PPFIA2: variants seen among roughly 807,000 people sequenced by gnomAD.
The protein encoded by PPFIA2 is liprin-alpha-2.
PPFIA2 carries 46 observed loss-of-function variants against 175.5 expected under a neutral mutation model. The ratio of observed to expected loss-of-function variants is 0.26; its 90% CI spans 0.21 to 0.34. The LOEUF (loss-of-function observed/expected upper bound fraction) is 0.34. Among genes scored for constraint, PPFIA2 ranks in the 10% least tolerant of loss-of-function variants. The pLI, the probability that PPFIA2 is intolerant of heterozygous loss-of-function variation, is 1.00. For missense variants in PPFIA2, 1,179 were observed against 1,506.1 expected (o/e 0.78, Z 3.60); for synonymous variants, 568 against 511.4 (o/e 1.11, Z -1.49).
chr12:81,647,490 G>C (rs1026527709), intron 4 of PPFIA2, among the ~76,000 whole-genome samples: 1 of 151,896 alleles, frequency 6.6e-6, no homozygotes, highest in African/African-American at 2.4e-5. Context: ...GGCTGGGTGC[G>C]GTGGCTCACG....
intron 19 of PPFIA2, among the ~76,000 whole-genome samples, chr12:81,343,694 C>T (rs536902517): frequency 7.2e-5 from 11 of 152,152 alleles, no homozygotes; most frequent in South Asian, 2.1e-4. Context: ...AAGCTCTACT[C>T]AATTATCTAA....
chr12:81,370,417 G>T (rs1318650501), intron 11 of PPFIA2, among the ~76,000 whole-genome samples: 1 of 151,750 alleles, frequency 6.6e-6, no homozygotes, highest in African/African-American at 2.4e-5. Context: ...TCAGATATTG[G>T]TCTAGAATTT....
Position 81,553,909 on chromosome 12 carries a change from G to T in PPFIA2, c.304-96043C>A, listed in dbSNP as rs1246192047. Among the ~76,000 whole-genome samples the T allele has an allele frequency of 5.3e-5, 8 of 152,164 alleles. No individual in the cohort carries two copies. The South Asian group carries it at 1.0e-3, about 20-fold the overall frequency. ...GGTGATGATGGAGTAGGTGGTAAGA[G>T]CTGGATAAGTGACTTGGAACCAGAT... On this transcript the variant is annotated intron_variant, in intron 4 of 32. Coordinates refer to ENST00000549396, the MANE Select transcript of PPFIA2 (RefSeq NM_003625.5).
At chr12:81,664,306 T>C (rs954302655) in intron 4 of PPFIA2, among the ~76,000 whole-genome samples, 1 of 151,996 alleles carries the variant, frequency 6.6e-6, no homozygotes, top group African/African-American at 2.4e-5. Context: ...AAAGGGCTAA[T>C]ATCCAGAATC....
chr12:81,307,923 C>T (rs1356294964), intron 22 of PPFIA2, among the ~76,000 whole-genome samples: 8 of 151,498 alleles, frequency 5.3e-5, no homozygotes, highest in Non-Finnish European at 8.8e-5. Context: ...ACATCACCAT[C>T]ATAACAACTT....
At chr12:81,260,787 C>T (rs2035198104) in intron 32 of PPFIA2, 2 of 152,246 alleles carry the variant, frequency 1.3e-5, no homozygotes, top group Non-Finnish European at 2.9e-5. Context: ...ACTGTTTTCT[C>T]TTAACCCTGT....
intron 32 of PPFIA2, chr12:81,260,483 AT>A (rs2035054452): frequency 6.6e-6 from 1 of 152,192 alleles, no homozygotes; most frequent in South Asian, 2.1e-4. Flanking sequence ...GTAGAATCTA[AT>A]ATAAACAGTA....
At chr12:81,488,838 TG>T (rs1490628293) in intron 4 of PPFIA2, among the ~76,000 whole-genome samples, 1 of 151,812 alleles carries the variant, frequency 6.6e-6, no homozygotes, top group African/African-American at 2.4e-5. Context: ...AAGGGATGGA[TG>T]GTCCTTTCAT....
intron 4 of PPFIA2, among the ~76,000 whole-genome samples, chr12:81,639,537 C>T (rs1287104362): frequency 6.8e-6 from 1 of 147,110 alleles, no homozygotes; most frequent in African/African-American, 2.5e-5. Flanking sequence ...AACATCTACT[C>T]GGTAAAAAAA....
chr12:81,507,975 A>G (rs1360194186), intron 4 of PPFIA2, among the ~76,000 whole-genome samples: 1 of 152,150 alleles, frequency 6.6e-6, no homozygotes, highest in African/African-American at 2.4e-5. Flanking sequence ...TTTTCTTAGT[A>G]TTAGACATTT....
At chr12:81,462,883 G>T (rs990492178) in intron 4 of PPFIA2, among the ~76,000 whole-genome samples, 3 of 151,820 alleles carry the variant, frequency 2.0e-5, no homozygotes, top group African/African-American at 7.3e-5. Flanking sequence ...GTAGTGCTTT[G>T]GGCCTATTGC....
chr12:81,524,404 C>A (rs1052751100), intron 4 of PPFIA2, among the ~76,000 whole-genome samples: 3 of 152,316 alleles, frequency 2.0e-5, no homozygotes, highest in African/African-American at 4.8e-5. Flanking sequence ...GCCTCAAGGG[C>A]AGACAACTGA....
intron 4 of PPFIA2, among the ~76,000 whole-genome samples, chr12:81,646,021 A>G (rs1351230089): frequency 6.6e-6 from 1 of 152,214 alleles, no homozygotes; most frequent in Non-Finnish European, 1.5e-5. Flanking sequence ...AAACCCTTCC[A>G]TAAGACGCAG....
chr12:81,647,576 A>G (rs976161099), intron 4 of PPFIA2, among the ~76,000 whole-genome samples: 3 of 151,650 alleles, frequency 2.0e-5, no homozygotes, highest in African/African-American at 7.3e-5. Context: ...CCTGGCTAAC[A>G]TGGTGAAACC....
chr12:81,268,760 A>G (rs1164189574), intron 28 of PPFIA2, among the ~76,000 whole-genome samples: 2 of 152,206 alleles, frequency 1.3e-5, no homozygotes, highest in African/African-American at 4.8e-5. Flanking sequence ...GTGTCTTGAT[A>G]CACACCTCTT....
intron 4 of PPFIA2, among the ~76,000 whole-genome samples, chr12:81,559,333 C>A (rs1012967811): frequency 3.3e-5 from 5 of 152,072 alleles, no homozygotes; most frequent in Non-Finnish European, 7.4e-5. Flanking sequence ...TGTGTGTGTG[C>A]ACATATAATA....
intron 4 of PPFIA2, among the ~76,000 whole-genome samples, chr12:81,604,597 T>TTA (rs3075456): frequency 0.71 from 106,150 of 149,780 alleles, 37,706 homozygotes; most frequent in East Asian, 0.77. Flanking sequence ...CAATCGAAAA[T>TTA]TATATATATA....
In PPFIA2 at chr12:81,295,008, C is replaced by T; in HGVS notation, c.2752G>A (p.Val918Met). The T allele has an allele frequency of 6.2e-7, 1 of 1,613,550 alleles. No individual in the cohort carries two copies. The highest frequency in any genetic ancestry group is 8.5e-7 in the Non-Finnish European group (1 of 1,179,684). ...TTCACGTTGGCTCGGCAGGCTGCCA[C>T]GTACCACGCAGGCATTCCCAACCAA... ...ELWLGMPAWYVAACRANVKSG... is the reference protein window; with the variant it reads ...ELWLGMPAWYMAACRANVKSG... Residue 918 changes from valine (V) to methionine (M), a missense_variant, in exon 24 of 33, where the codon GTG (valine) becomes ATG (methionine). Val to Met is a conservative substitution (Grantham distance 21). Transcript: ENST00000549396.
At chr12:81,661,101 T>C (rs1241742489) in intron 4 of PPFIA2, among the ~76,000 whole-genome samples, 3 of 152,042 alleles carry the variant, frequency 2.0e-5, no homozygotes, top group Admixed American at 6.6e-5. Context: ...ACATGCCAAA[T>C]TGTAAAGACC....
Sources: allele counts gnomAD v4.1 joint callset (sites outside exome capture counted in the v4.1 genomes callset), GRCh38; gene constraint gnomAD v4.1.1; transcripts MANE v1.5; gene names NCBI Gene and HGNC (gene_info 2026-07-23, HGNC 2026-07-21).